Variants in MNT observed in about 807,000 individuals in gnomAD.
MNT encodes the protein max-binding protein MNT.
In MNT, 13 loss-of-function variants were observed where a neutral mutation model predicts 40.7. That is an observed-to-expected ratio of 0.32 (90% CI 0.21 to 0.51). The LOEUF is 0.51. Among genes scored for constraint, MNT ranks in the 20% least tolerant of loss-of-function variants. The probability of loss-of-function intolerance (pLI) is 0.98; values close to 1 mark genes in which losing one functional copy is unlikely to be tolerated. For synonymous variants in MNT, 426 were observed against 354.8 expected, an observed-to-expected ratio of 1.20 and a Z score of -2.26; for missense variants, 757 against 792.0, an observed-to-expected ratio of 0.96 and a Z score of 0.53.
intron 2 of MNT, 97 bp from the exon 3 acceptor site, chr17:2,394,443 G>T (rs2066558687): frequency 6.4e-7 from 1 of 1,561,448 alleles, no homozygotes; most frequent in Non-Finnish European, 8.8e-7. Flanking sequence ...CAGGCTGTTT[G>T]TCCCCAACAC....
chr17:2,393,989 G>A, intron 4 of MNT, 54 bp downstream of exon 4: 4 of 1,303,824 alleles, frequency 3.1e-6, no homozygotes, highest in Non-Finnish European at 4.2e-6. Flanking sequence ...CGGGGGAGGG[G>A]CGGCGGAGGG....
In MNT at chr17:2,399,188, AG is replaced by A. The variant is rs1365181199; in HGVS notation, c.73+1451del. ...GGATTCTGGGGGGCGGGGAGGGCAC[AG>A]GAGTCCCCGGGTCCTGCACACACAC... On this transcript the variant is annotated intron_variant, in intron 1 of 5. Coordinates refer to ENST00000174618, the MANE Select transcript of MNT (RefSeq NM_020310.3). Among the ~76,000 whole-genome samples, 3 of 152,192 alleles carry A rather than the reference AG, an allele frequency of 2.0e-5. No individual in the cohort carries two copies. The East Asian group carries it at 5.8e-4, about 29-fold the overall frequency.
chr17:2,394,112 G>A lies in MNT; in HGVS notation c.738C>T (p.Asn246=), dbSNP rs1221844185. Reference sequence around the variant, plus strand: ...TCTTCTTGTCATCCACGTTGGGGATGTTCCGCTTCAGGGTCTCAAAGCACT... The same window carrying A: ...TCTTCTTGTCATCCACGTTGGGGATATTCCGCTTCAGGGTCTCAAAGCACT... ...LKECFETLKR[N]IPNVDDKKTS... Residue 246 remains asparagine, a synonymous_variant, in exon 4 of 6, where the codon AAC becomes AAT. Transcript: ENST00000174618. The A allele has an allele frequency of 1.9e-6, 3 of 1,609,580 alleles. No homozygotes were observed. Among genetic ancestry groups the A allele is most frequent in the Non-Finnish European group, 2.5e-6 (3 of 1,178,126 alleles).
At chr17:2,391,454 C>T (rs2066513619) in intron 4 of MNT, 1 of 152,234 alleles carries the variant, frequency 6.6e-6, no homozygotes, top group East Asian at 1.9e-4. Context: ...TCAAAAGCTT[C>T]TTCTTCTCAC....
intron 4 of MNT, 169 bp downstream of exon 4, chr17:2,393,874 G>C (rs1204880778): frequency 1.4e-5 from 5 of 350,328 alleles, no homozygotes; most frequent in Non-Finnish European, 2.0e-5. Context: ...CTCCCGGGCA[G>C]GGAGCCCCGC....
chr17:2,396,643 G>T (rs1415561415), intron 1 of MNT: 4 of 152,582 alleles, frequency 2.6e-5, no homozygotes, highest in African/African-American at 7.2e-5. Flanking sequence ...CAGGGGAAGG[G>T]GAGGCACCTC....
Position 2,394,304 on chromosome 17 carries a change from C to CA in MNT, c.695_695+1insT (p.Arg232SerfsTer10). 1.9e-6 allele frequency: 3 copies of CA among 1,610,548 alleles called. No individual in the cohort carries two copies. Among genetic ancestry groups the CA allele is most frequent in the Admixed American group, 1.7e-5 (1 of 59,680 alleles). ...ACACACACACACACACACACACACA[C>CA]CTGTTCTTCTCCAATTTGTTGTGGA... On this transcript the variant is annotated frameshift_variant and splice_region_variant. Transcript: ENST00000174618. LOFTEE classifies it high-confidence loss of function.
chr17:2,385,552 C>A lies in MNT; in HGVS notation c.*1349G>T, dbSNP rs1259066609. On this transcript the variant is annotated 3_prime_UTR_variant, in exon 6 of 6. Transcript: ENST00000174618. ...AGAAAGCCGCATCCTAACACAGAGCCCCTGACTCCTCCCCCTTCCACGCTC... is the reference window on the plus strand; with the variant it reads ...AGAAAGCCGCATCCTAACACAGAGCACCTGACTCCTCCCCCTTCCACGCTC... 1 of 152,534 alleles carries A rather than the reference C, an allele frequency of 6.6e-6. No homozygotes were observed. Among genetic ancestry groups the A allele is most frequent in the Non-Finnish European group, 1.5e-5 (1 of 68,186 alleles). The allele number at this position is 152,534 out of a possible 1,614,324, so 9.4% of individuals were successfully genotyped here. A position where few individuals can be genotyped will look rare whatever the true frequency, so the allele number is the denominator to read the frequency against.
Position 2,387,871 on chromosome 17 carries a change from G to A in MNT, c.986C>T (p.Thr329Ile), listed in dbSNP as rs2066480772. Residue 329 changes from threonine to isoleucine, a missense_variant, in exon 5 of 6, where the codon ACC becomes ATC. This residue lies in a region of MNT where 345 missense variants were observed against 380.1 expected (regional missense o/e 0.91). Transcript: ENST00000174618. ...CTGGGGCTCACCAGAGGCGGTGGAG[G>A]TGGAGGCCTGGTCATCCTCGGGCTG... The part of the protein sequence containing the change: ...TGQPEDDQAS[T>I]STASEGEDNI... 1 of 1,599,770 alleles carries A rather than the reference G, an allele frequency of 6.3e-7. No homozygotes were observed. The highest frequency in any genetic ancestry group is 8.5e-7 in the Non-Finnish European group (1 of 1,177,732).
intron 4 of MNT, chr17:2,392,578 T>G (rs2066527830): frequency 6.6e-6 from 1 of 152,238 alleles, no homozygotes; most frequent in African/African-American, 2.4e-5. Context: ...GCCCTGCGAC[T>G]AAACTACAAC....
chr17:2,394,444 TC>T, intron 2 of MNT, 98 bp from the exon 3 acceptor site: 1 of 1,555,740 alleles, frequency 6.4e-7, no homozygotes, highest in Non-Finnish European at 8.8e-7. Context: ...AGGCTGTTTG[TC>T]CCCAACACTG....
chr17:2,394,018 C>T, intron 4 of MNT, 25 bp downstream of exon 4: 1 of 1,523,512 alleles, frequency 6.6e-7, no homozygotes, highest in Non-Finnish European at 8.9e-7. Flanking sequence ...GGAAGCTGCG[C>T]GACGCCGGCC....
At chr17:2,390,354 C>T (rs1227706449) in intron 4 of MNT, 1 of 152,350 alleles carries the variant, frequency 6.6e-6, no homozygotes, top group Non-Finnish European at 1.5e-5. Context: ...GCGGGGGACC[C>T]CAAACCCCAG....
At chr17:2,392,903 G>C (rs1005010304) in intron 4 of MNT, 1 of 152,396 alleles carries the variant, frequency 6.6e-6, no homozygotes, top group African/African-American at 2.4e-5. Flanking sequence ...GGCTGGGAGA[G>C]AGCTGCCCCC....
At chr17:2,400,568 G>T in intron 1 of MNT, 72 bp downstream of exon 1, 2 of 1,443,694 alleles carry the variant, frequency 1.4e-6, no homozygotes. Context: ...CCGCGGTTTC[G>T]CGTGGGTTCG....
At position 2,393,394 on chromosome 17, in the gene MNT, C is replaced by T. The variant is rs912043151; in HGVS notation, c.807+649G>A. On this transcript the variant is annotated intron_variant, in intron 4 of 5. Transcript: ENST00000174618. ...GGAGGGCCCCGAAAAAAGAGACACC[C>T]CCTCTTCCTAGCCCAGGAGGAAGGA... Among the ~76,000 whole-genome samples the T allele has an allele frequency of 1.4e-4, 21 of 152,344 alleles. No homozygotes were observed. In the East Asian group the frequency reaches 1.7e-3, roughly 13 times the overall value.
chr17:2,389,088 C>A (rs2066492116), intron 4 of MNT, among the ~76,000 whole-genome samples: 1 of 152,086 alleles, frequency 6.6e-6, no homozygotes, highest in South Asian at 2.1e-4. Flanking sequence ...CCTTTACCCC[C>A]TAGATCTTAT....
intron 4 of MNT, 149 bp from the exon 5 acceptor site, chr17:2,388,198 A>C: frequency 1.4e-6 from 1 of 707,664 alleles, no homozygotes; most frequent in South Asian, 1.9e-5. Context: ...TGGAGACCGC[A>C]CCTGTTGTGG....
At position 2,384,148 on chromosome 17, in the gene MNT, G is replaced by C. The variant is rs554822452; in HGVS notation, c.*2753C>G. On this transcript the variant is annotated 3_prime_UTR_variant, in exon 6 of 6. Coordinates refer to ENST00000174618, the MANE Select transcript of MNT (RefSeq NM_020310.3). Reference sequence around the variant, plus strand: ...TGCTTATTACATGGATAGTATTCATGTCTCGGTAACTAAAGTCTTGGAGCA... The same window carrying C: ...TGCTTATTACATGGATAGTATTCATCTCTCGGTAACTAAAGTCTTGGAGCA... 2 of 152,460 alleles carry C rather than the reference G, an allele frequency of 1.3e-5. No individual in the cohort carries two copies. The highest frequency in any genetic ancestry group is 4.8e-5 in the African/African-American group (2 of 41,446). 9.4% of individuals were successfully genotyped at this position (152,460 alleles called of 1,614,324 possible). A position where few individuals can be genotyped will look rare whatever the true frequency, so the allele number is the denominator to read the frequency against.
Sources: gnomAD v4.1 joint callset for allele counts (sites outside exome capture counted in the v4.1 genomes callset) on GRCh38, gnomAD v4.1.1 for gene constraint, gnomAD v4.1.1 regional missense constraint, MANE v1.5 for transcripts, NCBI Gene and HGNC (gene_info 2026-07-23, HGNC 2026-07-21) for gene names.